CHD8: variants seen among roughly 807,000 people sequenced by gnomAD.
CHD8 encodes the protein chromodomain helicase DNA binding protein 8.
Under a neutral mutation model 279.2 loss-of-function variants are expected in CHD8, and 31 were observed. The ratio of observed to expected loss-of-function variants is 0.11; its 90% CI spans 0.08 to 0.15. CHD8 has a LOEUF of 0.15. Among genes scored for constraint, CHD8 ranks in the 10% least tolerant of loss-of-function variants. The probability of loss-of-function intolerance (pLI) is 1.00; values close to 1 mark genes in which losing one functional copy is unlikely to be tolerated. For synonymous variants in CHD8, 1,081 were observed against 1,139.6 expected, an observed-to-expected ratio of 0.95 and a Z score of 1.04; for missense variants, 2,146 against 3,230.5, an observed-to-expected ratio of 0.66 and a Z score of 8.14.
chr14:21,431,551 G>A lies in CHD8; in HGVS notation c.93C>T (p.Asp31=). Residue 31 remains aspartate (D), a synonymous_variant, in exon 2 of 38, where the codon GAC becomes GAT. Transcript: ENST00000646647. ...GCAGTCCAAGGGCTTCCTCAATGGG[G>A]TCTTGTGTGACCTGGTTAAAGCTGT... ...TDDSFNQVTQ[D]PIEEALGLPS... is the part of the protein sequence containing the mutation. 1 of 1,537,182 alleles carries A rather than the reference G, an allele frequency of 6.5e-7. No individual in the cohort carries two copies. The highest frequency in any genetic ancestry group is 8.7e-7 in the Non-Finnish European group (1 of 1,146,896).
In CHD8 at chr14:21,437,333, G is replaced by A. The variant is rs1204128194; in HGVS notation, c.-215-5475C>T. 9.9e-6 allele frequency: 10 copies of A among 1,008,074 alleles called. No homozygotes were observed. The South Asian group carries it at 1.7e-4, about 17-fold the overall frequency. 62.4% of individuals were successfully genotyped at this position (1,008,074 alleles called of 1,614,324 possible). ...TGAAGCGCACTGCCACTCACCAAAG[G>A]CGAAAAGACGCAAAACAGCGCAAAG... On this transcript the variant is annotated intron_variant, in intron 1 of 37. Transcript: ENST00000646647.
intron 1 of CHD8, among the ~76,000 whole-genome samples, chr14:21,432,098 A>T (rs1889589314): frequency 1.3e-5 from 2 of 151,858 alleles, no homozygotes; most frequent in Admixed American, 1.3e-4. Context: ...AACTTTAAAG[A>T]CTCTGTCAAG....
intron 8 of CHD8, chr14:21,414,732 C>A: frequency 1.6e-6 from 1 of 618,364 alleles, no homozygotes; most frequent in South Asian, 2.0e-5. Flanking sequence ...TCAGGAACCA[C>A]CCTCACCCCA....
rs1887205660 is a variant in CHD8, at chr14:21,385,914, G to A, written c.7445C>T (p.Ser2482Leu). The A allele has an allele frequency of 2.6e-6, 4 of 1,552,504 alleles. No individual in the cohort carries two copies. The highest frequency in any genetic ancestry group is 3.5e-6 in the Non-Finnish European group (4 of 1,147,518). Residue 2482 changes from serine to leucine, a missense_variant, in exon 38 of 38, where the codon TCA becomes TTA. Ser to Leu is a moderately radical substitution (Grantham distance 145). This residue lies in a region of CHD8 where 336 missense variants were observed against 392.9 expected (regional missense o/e 0.86). Transcript: ENST00000646647. The stretch of plus-strand genomic sequence containing the variant: ...GGTGCTGGAGTCTACATGAGGGGAT[G>A]ATGGTGCACCACCCATCACAAATGG... ...FMPFVMGGAP[S>L]SPHVDSSTML...
chr14:21,400,762 T>C lies in CHD8; in HGVS notation c.4370+113A>G. On this transcript the variant is annotated intron_variant, in intron 22 of 37. Transcript: ENST00000646647. The surrounding 1 kb of genome is among the most constrained non-coding windows in gnomAD (Gnocchi z 4.2). Reference sequence around the variant, plus strand: ...CAAACTCCCTCCAAGGCAAATATTTTTTCACATTATCCCTTCTTTGATCAT... The same window carrying C: ...CAAACTCCCTCCAAGGCAAATATTTCTTCACATTATCCCTTCTTTGATCAT... The C allele has an allele frequency of 7.6e-7, 1 of 1,314,824 alleles. No individual in the cohort carries two copies. The highest frequency in any genetic ancestry group is 2.6e-5 in the Admixed American group (1 of 38,778). 81.4% of individuals were successfully genotyped at this position (1,314,824 alleles called of 1,614,324 possible).
chr14:21,410,507 CAA>C (rs906292293), intron 10 of CHD8, among the ~76,000 whole-genome samples: 14 of 151,982 alleles, frequency 9.2e-5, no homozygotes, highest in African/African-American at 3.4e-4. Context: ...TAGGAGCTAA[CAA>C]GAGGTTATCA....
In CHD8 at chr14:21,406,856, C is replaced by T. The variant is rs2139478386; in HGVS notation, c.2907G>A (p.Leu969=). Residue 969 remains leucine, a splice_region_variant and synonymous_variant, in exon 14 of 38, where the codon CTG becomes CTA. Coordinates refer to ENST00000646647, the MANE Select transcript of CHD8 (RefSeq NM_001170629.2). Reference sequence around the variant, plus strand: ...GCTCACAAGTCAGTGTGGAACTCACCAGGTCCATGTGCTTGAGACTATCAA... The same window carrying T: ...GCTCACAAGTCAGTGTGGAACTCACTAGGTCCATGTGCTTGAGACTATCAA... The part of the protein sequence containing the change: ...KLLDSLKHMD[L]EHKVLLTGTP... 1 of 1,611,240 alleles carries T rather than the reference C, an allele frequency of 6.2e-7. No homozygotes were observed. Among genetic ancestry groups the T allele is most frequent in the African/African-American group, 1.3e-5 (1 of 74,912 alleles).
chr14:21,385,340 A>G lies in CHD8; in HGVS notation c.*273T>C. ...ACATAGTCTGTGGTTAATGGAGGTGACTAGGGAGGGGTGAGCACACCAGCT... is the reference window on the plus strand; with the variant it reads ...ACATAGTCTGTGGTTAATGGAGGTGGCTAGGGAGGGGTGAGCACACCAGCT... On this transcript the variant is annotated 3_prime_UTR_variant, in exon 38 of 38. Coordinates refer to ENST00000646647, the MANE Select transcript of CHD8 (RefSeq NM_001170629.2). 2.1e-6 allele frequency: 1 copy of G among 482,222 alleles called. No homozygotes were observed. Among genetic ancestry groups the G allele is most frequent in the Non-Finnish European group, 3.6e-6 (1 of 275,208 alleles). 29.9% of individuals were successfully genotyped at this position (482,222 alleles called of 1,614,324 possible). A position where few individuals can be genotyped will look rare whatever the true frequency, so the allele number is the denominator to read the frequency against.
chr14:21,410,064 T>C, intron 10 of CHD8, 76 bp from the exon 11 acceptor site: 1 of 1,407,928 alleles, frequency 7.1e-7, no homozygotes, highest in Admixed American at 2.5e-5. Context: ...AAAATTTGAT[T>C]GTAAAATCAG....
Position 21,399,900 on chromosome 14 carries a change from A to T in CHD8, c.4817+81T>A. ...ATTTAAATTATCAGGTATCCCAAAGATAGCATAAAATGAAATAAGCAAACC... is the reference window on the plus strand; with the variant it reads ...ATTTAAATTATCAGGTATCCCAAAGTTAGCATAAAATGAAATAAGCAAACC... On this transcript the variant is annotated intron_variant, in intron 25 of 37. Transcript: ENST00000646647. The T allele has an allele frequency of 8.1e-6, 10 of 1,231,290 alleles. No homozygotes were observed. The South Asian group carries it at 1.1e-4, about 13-fold the overall frequency. 76.3% of individuals were successfully genotyped at this position (1,231,290 alleles called of 1,614,324 possible).
chr14:21,438,193 TG>T (rs199528557), intron 1 of CHD8, among the ~76,000 whole-genome samples: 2,510 of 152,210 alleles, frequency 0.016, 66 homozygotes, highest in African/African-American at 0.058. Flanking sequence ...CCCGAATAGC[TG>T]GGATTACAGG....
At chr14:21,441,870 C>A (rs1300852255) in intron 1 of CHD8, among the ~76,000 whole-genome samples, 7 of 149,528 alleles carry the variant, frequency 4.7e-5, no homozygotes, top group Admixed American at 2.0e-4. Flanking sequence ...GCCTGGGTGA[C>A]AGAGCGAGAC....
intron 1 of CHD8, among the ~76,000 whole-genome samples, chr14:21,440,698 G>A (rs148766721): frequency 1.3e-5 from 2 of 152,274 alleles, no homozygotes; most frequent in African/African-American, 2.4e-5. Flanking sequence ...TGTAAATCGC[G>A]AAGAAGGAAC....
Position 21,431,406 on chromosome 14 carries a change from T to C in CHD8, c.238A>G (p.Lys80Glu). Residue 80 changes from lysine (K) to glutamate (E), a missense_variant, in exon 2 of 38, where the codon AAA becomes GAA. By Grantham distance (56) the Lys-to-Glu change is moderately conservative (BLOSUM62 1). This residue lies in a region of CHD8 where 302 missense variants were observed against 325.5 expected (regional missense o/e 0.93). Coordinates refer to ENST00000646647, the MANE Select transcript of CHD8 (RefSeq NM_001170629.2). Reference sequence around the variant, plus strand: ...TCTGGAGCTGGAGCTGTGGATTCTTTGGAAAGTTCTGTGGGAGCTGTTTCC... The same window carrying C: ...TCTGGAGCTGGAGCTGTGGATTCTTCGGAAAGTTCTGTGGGAGCTGTTTCC... ...PEETAPTELS[K>E]ESTAPAPESI... 2 of 1,537,282 alleles carry C rather than the reference T, an allele frequency of 1.3e-6. No homozygotes were observed. The highest frequency in any genetic ancestry group is 1.7e-6 in the Non-Finnish European group (2 of 1,146,902).
chr14:21,412,377 C>T (rs1174616662), intron 10 of CHD8, among the ~76,000 whole-genome samples: 1 of 152,110 alleles, frequency 6.6e-6, no homozygotes, highest in Non-Finnish European at 1.5e-5. Flanking sequence ...AACTCCCAAC[C>T]TCGTGATCTG....
chr14:21,455,579 C>A (rs187041882), intron 1 of CHD8, among the ~76,000 whole-genome samples: 1 of 152,232 alleles, frequency 6.6e-6, no homozygotes, highest in East Asian at 1.9e-4. Context: ...TGCTTTCCTA[C>A]CCACCTTTAT....
chr14:21,428,158 G>A lies in CHD8; in HGVS notation c.1312C>T (p.Pro438Ser), dbSNP rs764998348. Reference protein sequence around the residue: ...AALSSPASSAPHSGGKTGMEE... With the variant: ...AALSSPASSASHSGGKTGMEE... ...ATTCCTGTCTTTCCCCCCGAATGAG[G>A]AGCAGAGCTTGCTGGTGATGACAAA... Residue 438 changes from proline (P) to serine (S), a missense_variant, in exon 4 of 38, where the codon CCT (proline) becomes TCT (serine). Physicochemically the swap from Pro to Ser is moderately conservative, Grantham distance 74. Coordinates refer to ENST00000646647, the MANE Select transcript of CHD8 (RefSeq NM_001170629.2). 3.7e-6 allele frequency: 6 copies of A among 1,613,890 alleles called. No homozygotes were observed. The highest frequency in any genetic ancestry group is 2.2e-5 in the East Asian group (1 of 44,902).
At chr14:21,454,141 G>C (rs927594736) in intron 1 of CHD8, among the ~76,000 whole-genome samples, 2 of 130,746 alleles carry the variant, frequency 1.5e-5, no homozygotes, top group African/African-American at 2.8e-5. Flanking sequence ...CTGGGTGACA[G>C]AGCAAGACTC....
In CHD8 at chr14:21,400,129, T is replaced by C. The variant is rs1887966369; in HGVS notation, c.4727+22A>G. The C allele has an allele frequency of 6.2e-7, 1 of 1,613,766 alleles. No individual in the cohort carries two copies. Among genetic ancestry groups the C allele is most frequent in the South Asian group, 1.1e-5 (1 of 91,078 alleles). ...CACTGTAGAAGTTTGAGGTGGAAAA[T>C]GTCTGCTAATTCTATGCTTACTTGT... On this transcript the variant is annotated intron_variant, in intron 24 of 37. Transcript: ENST00000646647. The surrounding 1 kb of genome is among the most constrained non-coding windows in gnomAD (Gnocchi z 4.2).
Sources: allele counts gnomAD v4.1 joint callset (sites outside exome capture counted in the v4.1 genomes callset), GRCh38; gene constraint gnomAD v4.1.1; regional missense constraint gnomAD v4.1.1; non-coding constraint Gnocchi (gnomAD v3.1); transcripts MANE v1.5; gene names NCBI Gene and HGNC (gene_info 2026-07-23, HGNC 2026-07-21).